The following FOXP1 variants were observed in gnomAD, a reference collection of about 807,000 sequenced individuals.
FOXP1 encodes the protein forkhead box P1.
In FOXP1, 15 loss-of-function variants were observed where a neutral mutation model predicts 98.2. The ratio of observed to expected loss-of-function variants is 0.15; its 90% CI spans 0.10 to 0.24. The LOEUF is 0.24. Ranked by LOEUF, FOXP1 falls within the 10% of genes least tolerant of loss-of-function variation. FOXP1 has a pLI of 1.00. For missense variants in FOXP1, 633 were observed against 848.5 expected (o/e 0.75, Z 3.15); for synonymous variants, 371 against 314.5 (o/e 1.18, Z -1.90).
intron 9 of FOXP1, among the ~76,000 whole-genome samples, chr3:71,049,589 TGG>T (rs1286734062): frequency 6.6e-6 from 1 of 151,546 alleles, no homozygotes; most frequent in African/African-American, 2.4e-5. Context: ...TACATCGTTC[TGG>T]CCAAAGATCA....
intron 5 of FOXP1, among the ~76,000 whole-genome samples, chr3:71,276,926 T>C (rs1159079271): frequency 6.6e-6 from 1 of 151,412 alleles, no homozygotes; most frequent in Admixed American, 6.6e-5. Flanking sequence ...GGCTCTAGTA[T>C]CCTCTGTTCT....
At chr3:71,034,143 GA>G (rs1318329332) in intron 11 of FOXP1, among the ~76,000 whole-genome samples, 1 of 152,170 alleles carries the variant, frequency 6.6e-6, no homozygotes, top group Non-Finnish European at 1.5e-5. Context: ...GCAAAAAGAT[GA>G]GGTGGGTGCA....
chr3:71,247,717 G>A (rs2067862525), intron 5 of FOXP1, among the ~76,000 whole-genome samples: 1 of 152,098 alleles, frequency 6.6e-6, no homozygotes, highest in African/African-American at 2.4e-5. Context: ...TTCTTTTGGG[G>A]AAACGCCCAT....
chr3:71,190,121 C>T (rs1216801359), intron 6 of FOXP1, among the ~76,000 whole-genome samples: 2 of 152,198 alleles, frequency 1.3e-5, no homozygotes, highest in East Asian at 1.9e-4. Flanking sequence ...GATCTTTCTT[C>T]TCTACTTAGA....
intron 5 of FOXP1, among the ~76,000 whole-genome samples, chr3:71,234,469 G>A (rs1023536010): frequency 6.6e-6 from 1 of 152,194 alleles, no homozygotes; most frequent in African/African-American, 2.4e-5. Flanking sequence ...GGGGGGAGGC[G>A]AGGATGCTCT....
chr3:71,171,486 T>C (rs1165142851), intron 6 of FOXP1, among the ~76,000 whole-genome samples: 2 of 152,252 alleles, frequency 1.3e-5, no homozygotes, highest in African/African-American at 4.8e-5. Context: ...TACCTTTGTA[T>C]TCCCGCTCCC....
intron 5 of FOXP1, among the ~76,000 whole-genome samples, chr3:71,239,169 T>C (rs1025764091): frequency 2.0e-5 from 3 of 152,182 alleles, no homozygotes; most frequent in Non-Finnish European, 4.4e-5. Flanking sequence ...CCAGTCTACA[T>C]GCTGGGATAA....
At chr3:71,378,453 C>T (rs1360797870) in intron 3 of FOXP1, among the ~76,000 whole-genome samples, 1 of 152,102 alleles carries the variant, frequency 6.6e-6, no homozygotes, top group Non-Finnish European at 1.5e-5. Flanking sequence ...TGCTGAGCAG[C>T]GTGAGGACAT....
At chr3:71,096,330 T>C (rs1422078801) in intron 7 of FOXP1, among the ~76,000 whole-genome samples, 4 of 152,226 alleles carry the variant, frequency 2.6e-5, no homozygotes, top group African/African-American at 9.6e-5. Flanking sequence ...TACACATGCT[T>C]GGGCCCCATC....
chr3:71,387,648 G>A (rs9875782), intron 3 of FOXP1, among the ~76,000 whole-genome samples: 5,144 of 152,150 alleles, frequency 0.034, 304 homozygotes, highest in African/African-American at 0.11. Flanking sequence ...GCGTATGAAC[G>A]AATGCATAAC....
chr3:70,980,671 G>C (rs1483044404), intron 14 of FOXP1, among the ~76,000 whole-genome samples: 1 of 152,174 alleles, frequency 6.6e-6, no homozygotes, highest in African/African-American at 2.4e-5. Context: ...TTTTGGAAAA[G>C]ATTCCGTGCA....
chr3:71,169,594 T>C (rs558895634), intron 6 of FOXP1, among the ~76,000 whole-genome samples: 27 of 152,174 alleles, frequency 1.8e-4, no homozygotes, highest in Admixed American at 1.2e-3. Context: ...ACCTTTTATC[T>C]TTCCTTCCTC....
intron 4 of FOXP1, chr3:71,306,014 A>T (rs1356785854): frequency 6.6e-6 from 1 of 152,560 alleles, no homozygotes; most frequent in Admixed American, 6.5e-5. Flanking sequence ...GGCTGGCGGC[A>T]GTGTGAGGAA....
chr3:71,167,637 A>G (rs1368664763), intron 6 of FOXP1, among the ~76,000 whole-genome samples: 2 of 152,174 alleles, frequency 1.3e-5, no homozygotes, highest in Non-Finnish European at 2.9e-5. Flanking sequence ...GATCCCAAGA[A>G]AGTCTTAAGA....
intron 7 of FOXP1, among the ~76,000 whole-genome samples, chr3:71,078,079 C>T (rs1021963208): frequency 6.6e-6 from 1 of 152,136 alleles, no homozygotes; most frequent in African/African-American, 2.4e-5. Flanking sequence ...TGATCCGCCT[C>T]CCTTGGCCTC....
At chr3:71,198,432 G>GGGGGGGGGGGGGGC in intron 5 of FOXP1, 40 bp from the exon 6 acceptor site, 2 of 491,034 alleles carry the variant, frequency 4.1e-6, no homozygotes, top group Non-Finnish European at 8.0e-6. Context: ...GGGAGGGGGG[G>GGGGGGGGGGGGGGC]AGAAAAAAAA....
intron 12 of FOXP1, among the ~76,000 whole-genome samples, chr3:71,007,593 T>C (rs1028396161): frequency 7.2e-5 from 11 of 152,180 alleles, no homozygotes; most frequent in Admixed American, 5.9e-4. Context: ...CGCTGCCTCA[T>C]GGTGGCTGTT....
In FOXP1 at chr3:71,087,637, T is replaced by G. The variant is rs913442959; in HGVS notation, c.282+24899A>C. On this transcript the variant is annotated intron_variant, in intron 7 of 20. Coordinates refer to ENST00000649528, the MANE Select transcript of FOXP1 (RefSeq NM_001349338.3). The stretch of plus-strand genomic sequence containing the variant: ...GATACTATTTAAATTAAAAATTTAC[T>G]GATTCAAGTTCAGAAAAACCCTGCT... 5.9e-5 allele frequency among the ~76,000 whole-genome samples: 9 copies of G among 152,212 alleles called. No individual in the cohort carries two copies. In the South Asian group the frequency reaches 1.9e-3, roughly 31 times the overall value.
intron 10 of FOXP1, 113 bp from the exon 11 acceptor site, chr3:71,041,645 GGT>G: frequency 9.7e-7 from 1 of 1,031,208 alleles, no homozygotes; most frequent in Non-Finnish European, 1.5e-6. Context: ...GGGGTTTTTC[GGT>G]GTGTGCAGTT....
Sources: gnomAD v4.1 joint callset for allele counts (sites outside exome capture counted in the v4.1 genomes callset) on GRCh38, gnomAD v4.1.1 for gene constraint, MANE v1.5 for transcripts, NCBI Gene and HGNC (gene_info 2026-07-23, HGNC 2026-07-21) for gene names.